KLRG1: variants seen among roughly 807,000 people sequenced by gnomAD.
KLRG1 encodes killer cell lectin-like receptor subfamily G member 1.
Under a neutral mutation model 21.8 loss-of-function variants are expected in KLRG1, and 16 were observed. The ratio of observed to expected loss-of-function variants is 0.73; its 90% CI spans 0.50 to 1.11. The LOEUF (loss-of-function observed/expected upper bound fraction) is 1.11, where lower values mean the gene tolerates loss of function less well. Ranked by LOEUF, KLRG1 falls within the 50% of genes most tolerant of loss-of-function variation. The pLI is 0.00. For synonymous variants in KLRG1, 69 were observed against 75.9 expected, an observed-to-expected ratio of 0.91 and a Z score of 0.47; for missense variants, 173 against 218.3, an observed-to-expected ratio of 0.79 and a Z score of 1.31.
chr12:9,067,767 T>C, the KLRG1 span: 2 of 1,568,568 alleles, frequency 1.3e-6, no homozygotes, highest in East Asian at 4.5e-5. Context: ...AACACGTGTC[T>C]TCTGTGGAGC....
the KLRG1 span, among the ~76,000 whole-genome samples, chr12:9,070,837 T>G: frequency 6.6e-6 from 1 of 150,962 alleles, no homozygotes; most frequent in Non-Finnish European, 1.5e-5. Context: ...TTTTTTTTTT[T>G]GATGGAGTTT....
the KLRG1 span, chr12:9,116,138 C>T: frequency 2.5e-6 from 1 of 394,660 alleles, no homozygotes; most frequent in Non-Finnish European, 4.8e-6. Context: ...TTTTACCGTA[C>T]AGCAGCTAAT....
At chr12:9,096,597 CA>C in the KLRG1 span, among the ~76,000 whole-genome samples, 16 of 152,174 alleles carry the variant, frequency 1.1e-4, no homozygotes. Context: ...ATGATGCTTT[CA>C]AGTCCATTTG....
At chr12:9,164,056 G>C in the KLRG1 span, 2 of 1,479,916 alleles carry the variant, frequency 1.4e-6, no homozygotes, top group Non-Finnish European at 1.8e-6. Flanking sequence ...AAATAAAAGA[G>C]AGAATATGAT....
chr12:9,212,663 A>C, the KLRG1 span, among the ~76,000 whole-genome samples: 1 of 152,204 alleles, frequency 6.6e-6, no homozygotes, highest in Non-Finnish European at 1.5e-5. Context: ...GGACAGTGAA[A>C]GAGAAAATCT....
chr12:9,009,237 C>CAAAAAAAA (rs112576720), intron 4 of KLRG1, among the ~76,000 whole-genome samples, 162 bp downstream of exon 4: 1 of 107,874 alleles, frequency 9.3e-6, no homozygotes, highest in Non-Finnish European at 2.0e-5. Flanking sequence ...TGGGTAAGGG[C>CAAAAAAAA]AAAAAAAAAA....
At chr12:9,176,938 G>A in the KLRG1 span, among the ~76,000 whole-genome samples, 2 of 152,166 alleles carry the variant, frequency 1.3e-5, no homozygotes, top group African/African-American at 2.4e-5. Context: ...TGATTTAAAT[G>A]ATATTTAGCC....
chr12:8,984,930 A>G (rs925772319), upstream of KLRG1, among the ~76,000 whole-genome samples: 2 of 152,206 alleles, frequency 1.3e-5, no homozygotes, highest in Non-Finnish European at 2.9e-5. Flanking sequence ...ATTTACAGAA[A>G]TGTTTTTAAG....
chr12:9,200,916 G>A, the KLRG1 span: 1 of 1,613,816 alleles, frequency 6.2e-7, no homozygotes, highest in East Asian at 2.2e-5. Flanking sequence ...GTGAAGGGGT[G>A]CTGTATCCTT....
the KLRG1 span, chr12:9,095,585 G>A: frequency 2.5e-6 from 4 of 1,611,940 alleles, no homozygotes; most frequent in Non-Finnish European, 2.5e-6. Context: ...TGATACTGGA[G>A]TATATGTGAT....
the KLRG1 span, among the ~76,000 whole-genome samples, chr12:9,024,821 A>C: frequency 2.6e-5 from 4 of 152,194 alleles, no homozygotes; most frequent in Non-Finnish European, 5.9e-5. Context: ...GAACATCTAC[A>C]ATACACATCT....
At chr12:9,169,555 A>G in the KLRG1 span, 1 of 1,612,778 alleles carries the variant, frequency 6.2e-7, no homozygotes, top group Non-Finnish European at 8.5e-7. Flanking sequence ...TTGTCAGGAA[A>G]ATTGGTGAGA....
At chr12:9,203,656 A>G in the KLRG1 span, 2 of 1,316,950 alleles carry the variant, frequency 1.5e-6, no homozygotes, top group South Asian at 1.4e-5. Flanking sequence ...AGTCCTAACT[A>G]CATTCTTAAA....
chr12:9,200,976 C>T, the KLRG1 span: 1 of 1,614,088 alleles, frequency 6.2e-7, no homozygotes, highest in Non-Finnish European at 8.5e-7. Flanking sequence ...TGAATGGGCT[C>T]TGATGAGAGG....
At chr12:9,120,191 A>G in the KLRG1 span, among the ~76,000 whole-genome samples, 134 of 152,358 alleles carry the variant, frequency 8.8e-4, no homozygotes, top group African/African-American at 3.2e-3. Flanking sequence ...GGGTTTCGCT[A>G]TAGGAACAGC....
the KLRG1 span, chr12:9,104,155 C>G: frequency 6.5e-6 from 9 of 1,379,632 alleles, no homozygotes; most frequent in Non-Finnish European, 6.9e-6. Flanking sequence ...GAACTAGACA[C>G]AGTTTGGAAA....
chr12:9,036,895 C>A, the KLRG1 span: 1 of 341,224 alleles, frequency 2.9e-6, no homozygotes, highest in Non-Finnish European at 5.9e-6. Context: ...AGTGGGCTAC[C>A]GGATGGGGGA....
At chr12:9,028,688 C>G in the KLRG1 span, 9 of 442,426 alleles carry the variant, frequency 2.0e-5, no homozygotes, top group African/African-American at 1.8e-4. Flanking sequence ...GTGATCCACC[C>G]GCCTTGGCCC....
At chr12:9,192,810 A>G in the KLRG1 span, 6 of 1,112,016 alleles carry the variant, frequency 5.4e-6, no homozygotes, top group Admixed American at 9.5e-5. Flanking sequence ...ACCAAAATGA[A>G]TAGTTACAAC....
Sources: gnomAD v4.1 joint callset for allele counts (sites outside exome capture counted in the v4.1 genomes callset) on GRCh38, gnomAD v4.1.1 for gene constraint, MANE v1.5 for transcripts, NCBI Gene and HGNC (gene_info 2026-07-23, HGNC 2026-07-21) for gene names.